The following SCCPDH variants were observed in gnomAD, a reference collection of about 807,000 sequenced individuals.
The protein encoded by SCCPDH is saccharopine dehydrogenase (putative), also known as saccharopine dehydrogenase-like oxidoreductase.
SCCPDH carries 34 observed loss-of-function variants against 51.5 expected under a neutral mutation model. The observed-to-expected ratio is 0.66, with a 90% CI of 0.50 to 0.88. The LOEUF is 0.88. SCCPDH is among the 40% of genes least tolerant of loss of function. The pLI is 0.00. For synonymous variants in SCCPDH, 187 were observed against 191.3 expected, an observed-to-expected ratio of 0.98 and a Z score of 0.19; for missense variants, 464 against 527.1, an observed-to-expected ratio of 0.88 and a Z score of 1.17.
rs536766086 is a variant in SCCPDH, at chr1:246,767,118, A to T, written c.1185-77A>T. ...TTGGGTTTTCAGGGGTTCTGTAGCA[A>T]TTTGATAGTGAGGCCTGTGAAATAG... On this transcript the variant is annotated intron_variant, in intron 11 of 11. Coordinates refer to ENST00000366510, the MANE Select transcript of SCCPDH (RefSeq NM_016002.3). 10 of 962,042 alleles carry T rather than the reference A, an allele frequency of 1.0e-5. No homozygotes were observed. In the African/African-American group the frequency reaches 1.7e-4, roughly 16 times the overall value. 59.6% of individuals were successfully genotyped at this position (962,042 alleles called of 1,614,324 possible).
At chr1:246,724,699 T>C (rs1428226979) in intron 1 of SCCPDH, 87 bp downstream of exon 1, 1 of 1,211,236 alleles carries the variant, frequency 8.3e-7, no homozygotes, top group African/African-American at 1.6e-5. Flanking sequence ...CCCGCAGGGA[T>C]GCGCCCTACG....
intron 2 of SCCPDH, among the ~76,000 whole-genome samples, chr1:246,733,198 A>T (rs9659021): frequency 1.3e-5 from 2 of 151,904 alleles, no homozygotes; most frequent in East Asian, 1.9e-4. Flanking sequence ...GGGATCTTCC[A>T]GCCTCAGCCC....
intron 11 of SCCPDH, 26 bp from the exon 12 acceptor site, chr1:246,767,167 ACT>A (rs1558176518): frequency 1.3e-6 from 2 of 1,519,272 alleles, no homozygotes; most frequent in Non-Finnish European, 1.8e-6. Context: ...AGCTGAGTGC[ACT>A]GTTTTCTCTT....
chr1:246,763,656 C>T (rs12024703), intron 9 of SCCPDH, among the ~76,000 whole-genome samples: 2 of 152,236 alleles, frequency 1.3e-5, no homozygotes, highest in African/African-American at 2.4e-5. Context: ...TCTCTCCCCC[C>T]CTTTCCTCCT....
At chr1:246,745,523 A>G (rs2102985518) in intron 5 of SCCPDH, among the ~76,000 whole-genome samples, 2 of 152,326 alleles carry the variant, frequency 1.3e-5, no homozygotes, top group East Asian at 3.9e-4. Flanking sequence ...AATACATCTA[A>G]CTAAGAGTCC....
intron 4 of SCCPDH, 104 bp from the exon 5 acceptor site, chr1:246,743,972 A>G (rs1668718690): frequency 1.5e-6 from 1 of 670,302 alleles, no homozygotes; most frequent in Non-Finnish European, 2.6e-6. Flanking sequence ...CTGTAGGCTT[A>G]GAAAAGCTAG....
chr1:246,744,837 G>C (rs1251163149), intron 5 of SCCPDH, among the ~76,000 whole-genome samples: 1 of 151,942 alleles, frequency 6.6e-6, no homozygotes, highest in Non-Finnish European at 1.5e-5. Flanking sequence ...TGTTGGCCAG[G>C]CTGGTCTCGA....
At position 246,760,304 on chromosome 1, in the gene SCCPDH, G is replaced by A. The variant is rs115281630; in HGVS notation, c.990+77G>A. 1,758 of 1,235,194 alleles carry A rather than the reference G, an allele frequency of 1.4e-3. 19 individuals carry two copies. The African/African-American group carries it at 0.024, about 17-fold the overall frequency. 76.5% of individuals were successfully genotyped at this position (1,235,194 alleles called of 1,614,324 possible). On this transcript the variant is annotated intron_variant, in intron 9 of 11. Coordinates refer to ENST00000366510, the MANE Select transcript of SCCPDH (RefSeq NM_016002.3). ...ACGGTATCATCTAACACTTGACAGGGCACTATGTTTCAGATACTCTTTTAA... is the reference window on the plus strand; with the variant it reads ...ACGGTATCATCTAACACTTGACAGGACACTATGTTTCAGATACTCTTTTAA...
chr1:246,753,730 G>A (rs530297926), intron 5 of SCCPDH, among the ~76,000 whole-genome samples: 26 of 151,840 alleles, frequency 1.7e-4, no homozygotes, highest in African/African-American at 5.6e-4. Context: ...TTCTTCCCCC[G>A]AGAAGAGAGG....
At chr1:246,757,952 G>A (rs1032732939) in intron 5 of SCCPDH, among the ~76,000 whole-genome samples, 1 of 152,082 alleles carries the variant, frequency 6.6e-6, no homozygotes, top group South Asian at 2.1e-4. Flanking sequence ...GAGTAAAATT[G>A]ATGAAGTAAA....
Position 246,726,947 on chromosome 1 carries a change from A to C in SCCPDH, c.246A>C (p.Pro82=). The change falls in exon 2 of 12, where the codon CCA becomes CCC. Residue 82 remains proline (P), a synonymous_variant. Coordinates refer to ENST00000366510, the MANE Select transcript of SCCPDH (RefSeq NM_016002.3). ...TCATCATCTGTGATATTGCTAATCC[A>C]GCCTCGCTTGATGAAATGGCTAAAC... The part of the protein sequence containing the change: ...VGIIICDIAN[P]ASLDEMAKQA... 6.2e-7 allele frequency: 1 copy of C among 1,614,232 alleles called. No homozygotes were observed. Among genetic ancestry groups the C allele is most frequent in the Non-Finnish European group, 8.5e-7 (1 of 1,180,026 alleles).
chr1:246,733,433 A>T (rs1251548711), intron 2 of SCCPDH, among the ~76,000 whole-genome samples: 1 of 149,884 alleles, frequency 6.7e-6, no homozygotes, highest in Non-Finnish European at 1.5e-5. Context: ...TTATATGTAT[A>T]ATATATATAT....
chr1:246,736,142 A>T (rs1272754991), intron 3 of SCCPDH, 87 bp downstream of exon 3: 34 of 859,018 alleles, frequency 4.0e-5, no homozygotes, highest in Non-Finnish European at 9.4e-6. Context: ...TTTTGCAGAC[A>T]TATTTAGAAG....
chr1:246,732,192 T>C (rs879584562), intron 2 of SCCPDH, among the ~76,000 whole-genome samples: 3 of 152,144 alleles, frequency 2.0e-5, no homozygotes, highest in Non-Finnish European at 4.4e-5. Flanking sequence ...TAACAATTTG[T>C]TATGTATTTG....
chr1:246,749,066 C>A (rs1442374120), intron 5 of SCCPDH, among the ~76,000 whole-genome samples: 1 of 152,162 alleles, frequency 6.6e-6, no homozygotes, highest in Non-Finnish European at 1.5e-5. Flanking sequence ...GGGGCTGACC[C>A]ACAAGGCTCT....
Position 246,735,657 on chromosome 1 carries a change from G to A in SCCPDH, c.304-318G>A, listed in dbSNP as rs370513631. ...AACCATTCTCCTGCCTCAGCCTCCC[G>A]AGTAGCTGGGATTACAGGTGTGTGC... On this transcript the variant is annotated intron_variant, in intron 2 of 11. Coordinates refer to ENST00000366510, the MANE Select transcript of SCCPDH (RefSeq NM_016002.3). Among the ~76,000 whole-genome samples the A allele has an allele frequency of 1.4e-4, 21 of 152,210 alleles. No individual in the cohort carries two copies. The East Asian group carries it at 1.9e-3, about 14-fold the overall frequency.
chr1:246,761,882 G>A (rs1558174941), intron 9 of SCCPDH, among the ~76,000 whole-genome samples: 1 of 152,334 alleles, frequency 6.6e-6, no homozygotes, highest in East Asian at 1.9e-4. Flanking sequence ...TCAAGACTCT[G>A]CTTTAAATTC....
Position 246,760,171 on chromosome 1 carries a change from T to G in SCCPDH, c.934T>G (p.Phe312Val), listed in dbSNP as rs566806891. The change falls in exon 9 of 12, where the codon TTC becomes GTC. Residue 312 changes from phenylalanine (F) to valine (V), a missense_variant and splice_region_variant. Transcript: ENST00000366510. ...ACTGACGGTTTTTTTTTCCCTTTAG[T>G]TCCCATGGTTCTTCTCCTTTGGCTA... Reference protein sequence around the residue: ...FGIGRQLLIKFPWFFSFGYFS... With the variant: ...FGIGRQLLIKVPWFFSFGYFS... 1.9e-6 allele frequency: 3 copies of G among 1,607,282 alleles called. No individual in the cohort carries two copies. The highest frequency in any genetic ancestry group is 2.5e-6 in the Non-Finnish European group (3 of 1,178,346).
At position 246,767,279 on chromosome 1, in the gene SCCPDH, T is replaced by A. The variant is rs2102992388; in HGVS notation, c.1269T>A (p.Val423=). ...ACAAACACGGTATTGAGTTTAGTGT[T>A]ATTAGCAGCTCTGAAGTCTAAACAC... ...RLNKHGIEFS[V]ISSSEV is the part of the protein sequence containing the mutation. Residue 423 remains valine (V), a synonymous_variant, in exon 12 of 12, where the codon GTT becomes GTA. Coordinates refer to ENST00000366510, the MANE Select transcript of SCCPDH (RefSeq NM_016002.3). 6.2e-7 allele frequency: 1 copy of A among 1,604,458 alleles called. No individual in the cohort carries two copies. Among genetic ancestry groups the A allele is most frequent in the Non-Finnish European group, 8.5e-7 (1 of 1,174,476 alleles).
Sources: gnomAD v4.1 joint callset for allele counts (sites outside exome capture counted in the v4.1 genomes callset) on GRCh38, gnomAD v4.1.1 for gene constraint, MANE v1.5 for transcripts, NCBI Gene and HGNC (gene_info 2026-07-23, HGNC 2026-07-21) for gene names.